The following SPAG16 variants were observed in gnomAD, a reference collection of about 807,000 sequenced individuals.
SPAG16 encodes sperm associated antigen 16, also known as sperm-associated antigen 16 protein.
A neutral mutation model predicts 80.4 loss-of-function variants in SPAG16; 86 were observed. The ratio of observed to expected loss-of-function variants is 1.07; its 90% CI spans 0.90 to 1.28. The LOEUF is 1.28. Ranked by LOEUF, SPAG16 falls within the 50% of genes most tolerant of loss-of-function variation. The pLI is 0.00. For synonymous variants in SPAG16, 294 were observed against 265.9 expected, an observed-to-expected ratio of 1.11 and a Z score of -1.03; for missense variants, 870 against 765.3, an observed-to-expected ratio of 1.14 and a Z score of -1.61.
intron 14 of SPAG16, among the ~76,000 whole-genome samples, chr2:214,122,670 A>G (rs1370256082): frequency 6.6e-6 from 1 of 151,836 alleles, no homozygotes; most frequent in Non-Finnish European, 1.5e-5. Flanking sequence ...AAATTATTTC[A>G]ATTTTGCTTA....
At chr2:213,435,560 T>C (rs1457359634) in intron 9 of SPAG16, among the ~76,000 whole-genome samples, 1 of 152,040 alleles carries the variant, frequency 6.6e-6, no homozygotes, top group Non-Finnish European at 1.5e-5. Flanking sequence ...AATATTGTAA[T>C]CCTGTTAGAA....
chr2:214,227,900 T>C (rs1488626135), intron 15 of SPAG16, among the ~76,000 whole-genome samples: 3 of 152,074 alleles, frequency 2.0e-5, no homozygotes, highest in African/African-American at 7.2e-5. Context: ...GTTAACCTTC[T>C]TTCTATGTTC....
At chr2:213,919,765 T>C (rs1303892695) in intron 11 of SPAG16, among the ~76,000 whole-genome samples, 1 of 152,196 alleles carries the variant, frequency 6.6e-6, no homozygotes, top group Non-Finnish European at 1.5e-5. Flanking sequence ...GTGTATATTC[T>C]ATTTGTTTTG....
At chr2:214,340,813 T>G (rs531968349) in intron 15 of SPAG16, among the ~76,000 whole-genome samples, 6 of 152,230 alleles carry the variant, frequency 3.9e-5, no homozygotes, top group Admixed American at 2.0e-4. Flanking sequence ...ACATCCACCC[T>G]CTCTGCCCCA....
chr2:213,346,672 T>C (rs1164111590), intron 6 of SPAG16, among the ~76,000 whole-genome samples: 1 of 152,232 alleles, frequency 6.6e-6, no homozygotes, highest in Non-Finnish European at 1.5e-5. Flanking sequence ...GTTTATATGC[T>C]GGATTATGTT....
At chr2:213,667,484 C>A (rs1016721815) in intron 10 of SPAG16, among the ~76,000 whole-genome samples, 5 of 152,142 alleles carry the variant, frequency 3.3e-5, no homozygotes, top group Admixed American at 6.6e-5. Context: ...GTCCCAATAT[C>A]TACTATTCAA....
At chr2:213,906,925 GAA>G (rs2077456913) in intron 11 of SPAG16, among the ~76,000 whole-genome samples, 1 of 151,570 alleles carries the variant, frequency 6.6e-6, no homozygotes, top group East Asian at 1.9e-4. Flanking sequence ...AAACATAAGA[GAA>G]ATGCTTCAGG....
chr2:213,699,904 G>A (rs545252729), intron 10 of SPAG16, among the ~76,000 whole-genome samples: 4 of 152,290 alleles, frequency 2.6e-5, no homozygotes, highest in Non-Finnish European at 4.4e-5. Context: ...ATTTGTGTGA[G>A]TCTGATAGGA....
intron 15 of SPAG16, among the ~76,000 whole-genome samples, chr2:214,168,815 G>A (rs562528515): frequency 3.9e-4 from 59 of 152,172 alleles, no homozygotes; most frequent in African/African-American, 1.4e-3. Flanking sequence ...CAAACCCCCC[G>A]GGTAGGTTCC....
intron 9 of SPAG16, among the ~76,000 whole-genome samples, chr2:213,424,826 C>G (rs1326690156): frequency 1.3e-5 from 2 of 152,138 alleles, no homozygotes; most frequent in Non-Finnish European, 2.9e-5. Flanking sequence ...TTCTCCTAGG[C>G]TCTGGGCTTA....
intron 15 of SPAG16, among the ~76,000 whole-genome samples, chr2:214,364,258 GAATTA>G (rs947505563): frequency 6.6e-6 from 1 of 151,962 alleles, no homozygotes; most frequent in African/African-American, 2.4e-5. Context: ...AATATTTGTT[GAATTA>G]ATTAACTCAT....
At chr2:213,848,774 C>T (rs909172880) in intron 10 of SPAG16, among the ~76,000 whole-genome samples, 13 of 152,164 alleles carry the variant, frequency 8.5e-5, no homozygotes, top group Non-Finnish European at 1.3e-4. Context: ...TCAGCTTCCC[C>T]TTGCCAGCAT....
intron 10 of SPAG16, among the ~76,000 whole-genome samples, chr2:213,796,450 G>T (rs1458113769): frequency 6.6e-6 from 1 of 151,990 alleles, no homozygotes; most frequent in Non-Finnish European, 1.5e-5. Context: ...GTTCATTCAC[G>T]TTGTAACATT....
chr2:214,095,469 T>A (rs1434426279), intron 13 of SPAG16, among the ~76,000 whole-genome samples: 1 of 152,130 alleles, frequency 6.6e-6, no homozygotes, highest in Non-Finnish European at 1.5e-5. Context: ...AAACTTTGGA[T>A]TTAAATATGC....
chr2:214,036,811 A>G (rs1401912605), intron 13 of SPAG16, among the ~76,000 whole-genome samples: 2 of 152,208 alleles, frequency 1.3e-5, no homozygotes, highest in African/African-American at 2.4e-5. Flanking sequence ...GCTGGAAAAC[A>G]TATAGTCCAA....
Position 214,094,872 on chromosome 2 carries a change from C to T in SPAG16, c.1528-13324C>T, listed in dbSNP as rs77190346. Among the ~76,000 whole-genome samples, 88 of 151,926 alleles carry T rather than the reference C, an allele frequency of 5.8e-4. 2 individuals carry two copies. The South Asian group carries it at 6.4e-3, about 11-fold the overall frequency. On this transcript the variant is annotated intron_variant, in intron 13 of 15. Transcript: ENST00000331683. ...AATTTAAGGAGCTACACTTAAACTA[C>T]GTCCCAGGTGCATCATCCACACCTG...
chr2:214,082,860 C>T (rs2051477684), intron 13 of SPAG16, among the ~76,000 whole-genome samples: 1 of 152,116 alleles, frequency 6.6e-6, no homozygotes, highest in South Asian at 2.1e-4. Context: ...TAAGCATTGC[C>T]ACTTTGTTTC....
chr2:214,059,272 A>G (rs1353090740), intron 13 of SPAG16, among the ~76,000 whole-genome samples: 19 of 146,540 alleles, frequency 1.3e-4, no homozygotes. Flanking sequence ...ATATATATAT[A>G]TATAATCAAG....
At chr2:213,815,895 C>G (rs1216825625) in intron 10 of SPAG16, among the ~76,000 whole-genome samples, 1 of 151,954 alleles carries the variant, frequency 6.6e-6, no homozygotes, top group African/African-American at 2.4e-5. Flanking sequence ...GAGGGCTATA[C>G]CTTATTTTCA....
Sources: gnomAD v4.1 joint callset for allele counts (sites outside exome capture counted in the v4.1 genomes callset) on GRCh38, gnomAD v4.1.1 for gene constraint, MANE v1.5 for transcripts, NCBI Gene and HGNC (gene_info 2026-07-23, HGNC 2026-07-21) for gene names.